The following PHF1 variants were observed in gnomAD, a reference collection of about 807,000 sequenced individuals.
PHF1 encodes polycomb-like 1.
PHF1 carries 16 observed loss-of-function variants against 69.4 expected under a neutral mutation model. The ratio of observed to expected loss-of-function variants is 0.23; its 90% CI spans 0.16 to 0.35. The LOEUF is 0.35. PHF1 is among the 10% of genes least tolerant of loss of function. The pLI, the probability that PHF1 is intolerant of heterozygous loss-of-function variation, is 1.00. For missense variants in PHF1, 515 were observed against 732.8 expected (o/e 0.70, Z 3.43); for synonymous variants, 274 against 275.0 (o/e 1.00, Z 0.04).
At position 33,412,968 on chromosome 6, in the gene PHF1, A is replaced by G. The variant is rs1776191080; in HGVS notation, c.337+175A>G. 1 of 691,450 alleles carries G rather than the reference A, an allele frequency of 1.4e-6. No homozygotes were observed. 42.8% of individuals were successfully genotyped at this position (691,450 alleles called of 1,614,324 possible). A position where few individuals can be genotyped will look rare whatever the true frequency, so the allele number is the denominator to read the frequency against. ...AAGCAGCCATGGAAAGGGGTGGTAT[A>G]ACCTTTGCAGGCAGAAGATGGTTTA... On this transcript the variant is annotated intron_variant, in intron 4 of 14. Coordinates refer to ENST00000374516, the MANE Select transcript of PHF1 (RefSeq NM_024165.3). The surrounding 1 kb of genome is among the most constrained non-coding windows in gnomAD (Gnocchi z 4.2).
intron 14 of PHF1, 53 bp downstream of exon 14, chr6:33,415,723 C>CA: frequency 1.2e-6 from 2 of 1,608,916 alleles, no homozygotes; most frequent in Non-Finnish European, 1.7e-6. Context: ...TCTATGTGCT[C>CA]AAGGCTCTTA....
At position 33,415,254 on chromosome 6, in the gene PHF1, C is replaced by T. The variant is rs1426742684; in HGVS notation, c.1259C>T (p.Ser420Phe). Residue 420 changes from serine (S) to phenylalanine (F), a missense_variant, in exon 13 of 15, where the codon TCC becomes TTC. Ser to Phe is a radical substitution (Grantham distance 155). This residue lies in a region of PHF1 where 274 missense variants were observed against 304.5 expected (regional missense o/e 0.90). Transcript: ENST00000374516. ...RALQASVSPP[S>F]PSPNQSYQGS... ...TTCTAGGCCTCAGTGTCTCCACCAT[C>T]CCCCAGCCCTAACCAGAGTTACCAG... is the stretch of plus-strand genomic sequence containing the variant. The T allele has an allele frequency of 1.2e-6, 2 of 1,613,822 alleles. No homozygotes were observed. The highest frequency in any genetic ancestry group is 1.7e-6 in the Non-Finnish European group (2 of 1,179,796).
chr6:33,414,615 G>A lies in PHF1; in HGVS notation c.944+71G>A. 6.4e-7 allele frequency: 1 copy of A among 1,574,148 alleles called. No individual in the cohort carries two copies. Among genetic ancestry groups the A allele is most frequent in the Non-Finnish European group, 8.7e-7 (1 of 1,148,716 alleles). On this transcript the variant is annotated intron_variant, in intron 10 of 14. Transcript: ENST00000374516. The surrounding 1 kb of genome is among the most constrained non-coding windows in gnomAD (Gnocchi z 5.0). ...TGGAGAGTGGAAGCCTGGAAGGGGA[G>A]GGGCTTGCAACCCACCTGGAAGACT... is the stretch of plus-strand genomic sequence containing the variant.
At chr6:33,410,869 C>T (rs1394117432), upstream of PHF1, 2 of 152,154 alleles carry the variant, frequency 1.3e-5, no homozygotes. Context: ...TTCTTCGGCG[C>T]CCTCCAGGCC....
rs758715932 is a variant in PHF1 at position 33,412,505 on chromosome 6, C to T, written c.160-3C>T. 8.7e-6 allele frequency: 14 copies of T among 1,614,116 alleles called. No homozygotes were observed. In the Admixed American group the frequency reaches 1.2e-4, roughly 13 times the overall value. ...TTTCATCCTGTTTGCTCACCCATTC[C>T]AGGTGGACAGTGCTAGGGAGGTGTG... On this transcript the variant is annotated splice_polypyrimidine_tract_variant and splice_region_variant and intron_variant, in intron 2 of 14. Transcript: ENST00000374516. The surrounding 1 kb of genome is among the most constrained non-coding windows in gnomAD (Gnocchi z 4.2).
Position 33,414,851 on chromosome 6 carries a change from G to T in PHF1, c.1049+22G>T. The T allele has an allele frequency of 1.9e-6, 3 of 1,604,842 alleles. No homozygotes were observed. Among genetic ancestry groups the T allele is most frequent in the Non-Finnish European group, 2.6e-6 (3 of 1,173,570 alleles). ...CCAGGTCACTGGTCCAGGGGGGATGGGGGAAATTCTCAGGGTGTTAGTCCT... is the reference window on the plus strand; with the variant it reads ...CCAGGTCACTGGTCCAGGGGGGATGTGGGAAATTCTCAGGGTGTTAGTCCT... On this transcript the variant is annotated intron_variant, in intron 11 of 14. Coordinates refer to ENST00000374516, the MANE Select transcript of PHF1 (RefSeq NM_024165.3). This position sits in a 1 kb window ranked among gnomAD's most constrained non-coding sequence, Gnocchi z 5.0.
chr6:33,415,791 A>G lies in PHF1; in HGVS notation c.1416-19A>G, dbSNP rs1776430740. On this transcript the variant is annotated intron_variant, in intron 14 of 14. Coordinates refer to ENST00000374516, the MANE Select transcript of PHF1 (RefSeq NM_024165.3). ...CTCTCCATTTCTGCCCATTTCTTAC[A>G]ATTGCCTTCTCTCCCTAGGTCACCC... is the stretch of plus-strand genomic sequence containing the variant. The G allele has an allele frequency of 1.3e-6, 2 of 1,594,786 alleles. No homozygotes were observed. The highest frequency in any genetic ancestry group is 4.5e-5 in the East Asian group (2 of 44,474).
In PHF1 at chr6:33,413,951, C is replaced by T. The variant is rs1776258564; in HGVS notation, c.684-90C>T. On this transcript the variant is annotated intron_variant, in intron 7 of 14. Coordinates refer to ENST00000374516, the MANE Select transcript of PHF1 (RefSeq NM_024165.3). ...TCCCAACCTCTGCAGCGTTACCTCA[C>T]CTGTTTGCCCCGTCCTTGCTTGTGA... 3 of 1,559,770 alleles carry T rather than the reference C, an allele frequency of 1.9e-6. No homozygotes were observed. In the South Asian group the frequency reaches 3.3e-5, roughly 17 times the overall value.
At position 33,414,720 on chromosome 6, in the gene PHF1, C is replaced by T. The variant is rs768477008; in HGVS notation, c.945-5C>T. 6.2e-7 allele frequency: 1 copy of T among 1,610,612 alleles called. No homozygotes were observed. The highest frequency in any genetic ancestry group is 8.5e-7 in the Non-Finnish European group (1 of 1,177,160). On this transcript the variant is annotated splice_polypyrimidine_tract_variant and splice_region_variant and intron_variant, in intron 10 of 14. Coordinates refer to ENST00000374516, the MANE Select transcript of PHF1 (RefSeq NM_024165.3). The surrounding 1 kb of genome is among the most constrained non-coding windows in gnomAD (Gnocchi z 5.0). Reference sequence around the variant, plus strand: ...GACCCTATATCATTTCTCTTCTTGCCCCAGTTTCATTTCAGGGAGAGAGAT... The same window carrying T: ...GACCCTATATCATTTCTCTTCTTGCTCCAGTTTCATTTCAGGGAGAGAGAT...
chr6:33,414,975 C>T lies in PHF1; in HGVS notation c.1070C>T (p.Pro357Leu), dbSNP rs774882082. Reference sequence around the variant, plus strand: ...TACAGCTTCCCTTCAGGGCAGGGCCCTGGGGGAGGGGTCTCACGTCCCCTG... The same window carrying T: ...TACAGCTTCCCTTCAGGGCAGGGCCTTGGGGGAGGGGTCTCACGTCCCCTG... ...ALTSFPSGQG[P>L]GGGVSRPLGK... Residue 357 changes from proline (P) to leucine (L), a missense_variant, in exon 12 of 15, where the codon CCT becomes CTT. This residue lies in a region of PHF1 where 274 missense variants were observed against 304.5 expected (regional missense o/e 0.90). Transcript: ENST00000374516. The surrounding 1 kb of genome is among the most constrained non-coding windows in gnomAD (Gnocchi z 5.0). The T allele has an allele frequency of 1.3e-6, 2 of 1,544,996 alleles. No individual in the cohort carries two copies. The highest frequency in any genetic ancestry group is 8.7e-7 in the Non-Finnish European group (1 of 1,144,676).
chr6:33,415,752 C>G, intron 14 of PHF1, 58 bp from the exon 15 acceptor site: 5 of 1,603,366 alleles, frequency 3.1e-6, no homozygotes, highest in Non-Finnish European at 4.3e-6. Context: ...CACTGTTTCT[C>G]TGATTCACAT....
At position 33,414,831 on chromosome 6, in the gene PHF1, TCA is replaced by T; in HGVS notation, c.1049+4_1049+5del. 6.2e-7 allele frequency: 1 copy of T among 1,605,878 alleles called. No individual in the cohort carries two copies. Among genetic ancestry groups the T allele is most frequent in the Non-Finnish European group, 8.5e-7 (1 of 1,173,954 alleles). On this transcript the variant is annotated splice_donor_region_variant and intron_variant, in intron 11 of 14. Transcript: ENST00000374516. The surrounding 1 kb of genome is among the most constrained non-coding windows in gnomAD (Gnocchi z 5.0). Reference sequence around the variant, plus strand: ...TACTGGAGATGGAGCACTCACCAGGTCACTGGTCCAGGGGGGATGGGGGAAAT... The same window carrying T: ...TACTGGAGATGGAGCACTCACCAGGTCTGGTCCAGGGGGGATGGGGGAAAT...
At position 33,412,453 on chromosome 6, in the gene PHF1, A is replaced by C; in HGVS notation, c.159+31A>C. On this transcript the variant is annotated intron_variant, in intron 2 of 14. Transcript: ENST00000374516. The surrounding 1 kb of genome is among the most constrained non-coding windows in gnomAD (Gnocchi z 4.2). ...ACCTTCTACCTCTGACCTTCTTCCT[A>C]GTTCCCTTATCTAATTCTGGTTCCC... 6.2e-7 allele frequency: 1 copy of C among 1,614,170 alleles called. No homozygotes were observed. Among genetic ancestry groups the C allele is most frequent in the Non-Finnish European group, 8.5e-7 (1 of 1,180,006 alleles).
At chr6:33,410,570 G>GGGAGGGCGGGGCTGGGGCTAACAGCGAAT, upstream of PHF1, 1 of 139,944 alleles carries the variant, frequency 7.1e-6, no homozygotes, top group South Asian at 2.4e-4. Flanking sequence ...ACTCGTCACG[G>GGGAGGGCGGGGCTGGGGCTAACAGCGAAT]GGAGGGCGGG....
chr6:33,415,025 G>C lies in PHF1; in HGVS notation c.1120G>C (p.Glu374Gln), dbSNP rs890813475. ...GGGGAAGCGCCGGAGGCCGGAGCCA[G>C]AGCCCCTGAGGAGGAGGCAGAAGGG... ...PLGKRRRPEPEPLRRRQKGKV... is the reference protein window; with the variant it reads ...PLGKRRRPEPQPLRRRQKGKV... The change falls in exon 12 of 15, where the codon GAG becomes CAG. Residue 374 changes from glutamate (E) to glutamine (Q), a missense_variant. Transcript: ENST00000374516. 6.3e-7 allele frequency: 1 copy of C among 1,580,614 alleles called. No individual in the cohort carries two copies. Among genetic ancestry groups the C allele is most frequent in the African/African-American group, 1.4e-5 (1 of 73,754 alleles).
At position 33,415,311 on chromosome 6, in the gene PHF1, A is replaced by G. The variant is rs1776379720; in HGVS notation, c.1316A>G (p.Asp439Gly). The G allele has an allele frequency of 6.2e-7, 1 of 1,613,156 alleles. No homozygotes were observed. Among genetic ancestry groups the G allele is most frequent in the Non-Finnish European group, 8.5e-7 (1 of 1,179,746 alleles). The change falls in exon 13 of 15, where the codon GAT becomes GGT. Residue 439 changes from aspartate to glycine, a missense_variant. Around this residue, in one of 5 missense-constraint regions of PHF1, gnomAD observed 274 missense variants for 304.5 expected, o/e 0.90. Transcript: ENST00000374516. ...AGCGGCTACAACTTCCGGCCCACAG[A>G]TGCCCGCTGCCTGCCCAGGTCAGTG... ...GSSGYNFRPT[D>G]ARCLPSSPIR...
In PHF1 at chr6:33,413,516, C is replaced by A; in HGVS notation, c.546C>A (p.Ser182Arg). ...KGLDWDAGHLSNRQQSYCYCG... is the reference protein window; with the variant it reads ...KGLDWDAGHLRNRQQSYCYCG... ...TGGACTGGGATGCTGGACATCTGAGCAACCGACAGCAGAGTTACTGTTACT... is the reference window on the plus strand; with the variant it reads ...TGGACTGGGATGCTGGACATCTGAGAAACCGACAGCAGAGTTACTGTTACT... Residue 182 changes from serine to arginine, a missense_variant, in exon 6 of 15, where the codon AGC becomes AGA. Physicochemically the swap from Ser to Arg is moderately radical, Grantham distance 110. Transcript: ENST00000374516. 6.2e-7 allele frequency: 1 copy of A among 1,614,228 alleles called. No homozygotes were observed. The highest frequency in any genetic ancestry group is 8.5e-7 in the Non-Finnish European group (1 of 1,180,044).
At chr6:33,415,528 C>G in intron 13 of PHF1, 62 bp from the exon 14 acceptor site, 2 of 1,547,346 alleles carry the variant, frequency 1.3e-6, no homozygotes, top group Non-Finnish European at 1.8e-6. Flanking sequence ...CTCTGCACTT[C>G]CCAGGGGGAG....
At position 33,415,664 on chromosome 6, in the gene PHF1, C is replaced by A. The variant is rs750635400; in HGVS notation, c.1409C>A (p.Pro470Gln). Residue 470 changes from proline (P) to glutamine (Q), a missense_variant, in exon 14 of 15, where the codon CCA becomes CAA. Pro to Gln is a moderately conservative substitution (Grantham distance 76). Coordinates refer to ENST00000374516, the MANE Select transcript of PHF1 (RefSeq NM_024165.3). Reference sequence around the variant, plus strand: ...GGGACCTCTGGGGACAGTGGACCCCCAGACAGGTGAGATTCTGTCTTCTAT... The same window carrying A: ...GGGACCTCTGGGGACAGTGGACCCCAAGACAGGTGAGATTCTGTCTTCTAT... ...TAGTSGDSGP[P>Q]DRSPLELHIG... is the part of the protein sequence containing the mutation. 1.2e-6 allele frequency: 2 copies of A among 1,613,802 alleles called. No individual in the cohort carries two copies. The highest frequency in any genetic ancestry group is 1.7e-6 in the Non-Finnish European group (2 of 1,179,816).
Sources: gnomAD v4.1 joint callset for allele counts on GRCh38, gnomAD v4.1.1 for gene constraint, gnomAD v4.1.1 regional missense constraint, Gnocchi (gnomAD v3.1) non-coding constraint, MANE v1.5 for transcripts, NCBI Gene and HGNC (gene_info 2026-07-23, HGNC 2026-07-21) for gene names.